The following RERG variants were observed in gnomAD, a reference collection of about 807,000 sequenced individuals.
RERG encodes RAS like estrogen regulated growth inhibitor.
In RERG, 25 loss-of-function variants were observed where a neutral mutation model predicts 23.2. The ratio of observed to expected loss-of-function variants is 1.08; its 90% confidence interval spans 0.79 to 1.50. RERG has a LOEUF of 1.50. RERG is among the 40% of genes most tolerant of loss of function. The pLI is 0.00. For missense variants in RERG, 253 were observed against 250.1 expected (o/e 1.01, Z -0.08); for synonymous variants, 81 against 89.1 (o/e 0.91, Z 0.51).
intron 2 of RERG, among the ~76,000 whole-genome samples, chr12:15,185,443 C>T (rs991227209): frequency 3.3e-5 from 5 of 152,074 alleles, no homozygotes; most frequent in Non-Finnish European, 7.4e-5. Context: ...TGGCTACCTG[C>T]TCTTAGAATC....
intron 2 of RERG, among the ~76,000 whole-genome samples, chr12:15,126,460 A>C (rs1306977131): frequency 4.0e-5 from 6 of 151,864 alleles, no homozygotes; most frequent in Non-Finnish European, 7.4e-5. Context: ...ATCTTAATTT[A>C]CTTGACTGTA....
chr12:15,183,406 G>A (rs1304959073), intron 2 of RERG, among the ~76,000 whole-genome samples: 1 of 151,924 alleles, frequency 6.6e-6, no homozygotes, highest in African/African-American at 2.4e-5. Context: ...AAATAATTTT[G>A]TATATAAATT....
chr12:15,135,712 T>C (rs981594577), intron 2 of RERG, among the ~76,000 whole-genome samples: 3 of 152,200 alleles, frequency 2.0e-5, no homozygotes, highest in African/African-American at 4.8e-5. Flanking sequence ...TTAGTTAATT[T>C]TTGAATGTCA....
chr12:15,136,788 A>C lies in RERG; in HGVS notation c.62-15669T>G, dbSNP rs201662390. Among the ~76,000 whole-genome samples, 19 of 152,098 alleles carry C rather than the reference A, an allele frequency of 1.2e-4. No homozygotes were observed. The East Asian group carries it at 2.9e-3, about 23-fold the overall frequency. ...CTTTCTATGATTTGTATTCTGTTAA[A>C]TTTTTGAGGTGTTTTTTATGACCTA... On this transcript the variant is annotated intron_variant, in intron 2 of 4. Transcript: ENST00000256953.
intron 2 of RERG, among the ~76,000 whole-genome samples, chr12:15,187,351 T>C (rs1291315139): frequency 5.3e-5 from 8 of 152,096 alleles, no homozygotes; most frequent in Non-Finnish European, 1.0e-4. Flanking sequence ...ACAAACTAAA[T>C]GTGATTTGAC....
intron 2 of RERG, among the ~76,000 whole-genome samples, chr12:15,183,214 C>T (rs1370206111): frequency 6.6e-6 from 1 of 151,996 alleles, no homozygotes; most frequent in Non-Finnish European, 1.5e-5. Context: ...AATAATAACT[C>T]ATTATTATAT....
At chr12:15,179,401 T>C (rs907544755) in intron 2 of RERG, among the ~76,000 whole-genome samples, 7 of 152,334 alleles carry the variant, frequency 4.6e-5, no homozygotes, top group African/African-American at 1.7e-4. Context: ...TAAATTGAAG[T>C]GCAGAAGTGC....
At chr12:15,155,985 T>TA (rs1379824027) in intron 2 of RERG, among the ~76,000 whole-genome samples, 6 of 128,238 alleles carry the variant, frequency 4.7e-5, no homozygotes, top group African/African-American at 1.6e-4. Flanking sequence ...CCCTAAAACT[T>TA]AAAGTATAAT....
intron 2 of RERG, among the ~76,000 whole-genome samples, chr12:15,144,124 G>A (rs1305121687): frequency 1.3e-5 from 2 of 152,126 alleles, no homozygotes; most frequent in African/African-American, 2.4e-5. Context: ...TCCAAGGTTT[G>A]TGGGCCAAGA....
chr12:15,151,158 T>C (rs1387528796), intron 2 of RERG, among the ~76,000 whole-genome samples: 1 of 152,194 alleles, frequency 6.6e-6, no homozygotes, highest in Non-Finnish European at 1.5e-5. Context: ...GTGATTTTTT[T>C]CCTCTGTATT....
At chr12:15,186,698 T>A (rs1237253884) in intron 2 of RERG, among the ~76,000 whole-genome samples, 1 of 152,122 alleles carries the variant, frequency 6.6e-6, no homozygotes. Context: ...ATGGGATAAA[T>A]GACAAAGAAC....
At chr12:15,208,771 G>A (rs1865327789) in intron 2 of RERG, among the ~76,000 whole-genome samples, 1 of 150,126 alleles carries the variant, frequency 6.7e-6, no homozygotes, top group African/African-American at 2.5e-5. Flanking sequence ...CATGTTAATT[G>A]AGAAATCTGG....
chr12:15,217,401 A>C, intron 2 of RERG, 28 bp downstream of exon 2: 1 of 1,526,558 alleles, frequency 6.6e-7, no homozygotes, highest in African/African-American at 1.4e-5. Context: ...ACACACACAC[A>C]CTATAACAAC....
chr12:15,133,148 T>G (rs1475476719), intron 2 of RERG, among the ~76,000 whole-genome samples: 11 of 57,894 alleles, frequency 1.9e-4, no homozygotes, highest in South Asian at 4.6e-4. Context: ...CCTGTGGAGA[T>G]ATATATATAT....
intron 2 of RERG, among the ~76,000 whole-genome samples, chr12:15,197,805 C>T (rs566835687): frequency 6.6e-6 from 1 of 152,206 alleles, no homozygotes; most frequent in East Asian, 1.9e-4. Flanking sequence ...GCCCACCTGT[C>T]TTCAGTATGT....
chr12:15,156,503 T>C (rs910653546), intron 2 of RERG, among the ~76,000 whole-genome samples: 1 of 152,234 alleles, frequency 6.6e-6, no homozygotes, highest in Non-Finnish European at 1.5e-5. Context: ...AGTGTCACTT[T>C]AATCTCTATC....
chr12:15,155,511 A>T (rs1436643317), intron 2 of RERG, among the ~76,000 whole-genome samples: 2 of 152,156 alleles, frequency 1.3e-5, no homozygotes, highest in Non-Finnish European at 2.9e-5. Flanking sequence ...GGTCACAATG[A>T]AGTTGCTGCC....
intron 2 of RERG, among the ~76,000 whole-genome samples, chr12:15,216,201 A>G (rs1865438483): frequency 6.6e-6 from 1 of 152,170 alleles, no homozygotes; most frequent in Non-Finnish European, 1.5e-5. Flanking sequence ...ATTAGGAAAC[A>G]CTGAGGAGAT....
intron 2 of RERG, among the ~76,000 whole-genome samples, chr12:15,123,639 A>T (rs984937089): frequency 1.4e-5 from 1 of 72,332 alleles, no homozygotes; most frequent in South Asian, 3.7e-4. Flanking sequence ...AAACTTATTA[A>T]TTTTTAAGTT....
Sources: allele counts gnomAD v4.1 joint callset (sites outside exome capture counted in the v4.1 genomes callset), GRCh38; gene constraint gnomAD v4.1.1; transcripts MANE v1.5; gene names NCBI Gene and HGNC (gene_info 2026-07-23, HGNC 2026-07-21).